Variants in WWP1 observed in about 807,000 individuals in gnomAD.
WWP1 encodes WW domain containing E3 ubiquitin protein ligase 1, also known as NEDD4-like E3 ubiquitin-protein ligase WWP1.
A neutral mutation model predicts 130.6 loss-of-function variants in WWP1; 49 were observed. The observed-to-expected ratio is 0.38, with a 90% CI of 0.30 to 0.48. The LOEUF (loss-of-function observed/expected upper bound fraction) is 0.48. Ranked by LOEUF, WWP1 falls within the 20% of genes least tolerant of loss-of-function variation. WWP1 has a pLI of 0.99. For missense variants in WWP1, 809 were observed against 1,100.6 expected (o/e 0.74, Z 3.75); for synonymous variants, 332 against 367.8 (o/e 0.90, Z 1.11).
Position 86,438,620 on chromosome 8 carries a change from C to T in WWP1, c.1785C>T (p.Arg595=). The change falls in exon 17 of 25, where the codon CGC becomes CGT. Residue 595 remains arginine, a synonymous_variant. Coordinates refer to ENST00000517970, the MANE Select transcript of WWP1 (RefSeq NM_007013.4). ...TAAAACCCTATGACTTGAGGAGGCG[C>T]TTATATGTAATATTTAGAGGAGAAG... The part of the protein sequence containing the change: ...MALKPYDLRR[R]LYVIFRGEEG... 1 of 1,607,680 alleles carries T rather than the reference C, an allele frequency of 6.2e-7. No homozygotes were observed. Among genetic ancestry groups the T allele is most frequent in the African/African-American group, 1.3e-5 (1 of 74,626 alleles).
At chr8:86,433,476 G>A (rs1320263195) in intron 14 of WWP1, among the ~76,000 whole-genome samples, 1 of 151,786 alleles carries the variant, frequency 6.6e-6, no homozygotes, top group Admixed American at 6.6e-5. Flanking sequence ...CACTCTGGGA[G>A]GTTGAGGCGG....
chr8:86,409,869 A>G (rs1011191955), intron 8 of WWP1, among the ~76,000 whole-genome samples: 11 of 152,036 alleles, frequency 7.2e-5, no homozygotes, highest in African/African-American at 2.7e-4. Flanking sequence ...CAAAAAAAAA[A>G]GTTCTTAAAA....
chr8:86,386,092 A>C (rs1825268062), intron 5 of WWP1, among the ~76,000 whole-genome samples: 1 of 152,104 alleles, frequency 6.6e-6, no homozygotes, highest in South Asian at 2.1e-4. Flanking sequence ...TTACATCTTC[A>C]TACCCTGACT....
chr8:86,408,258 T>C (rs1025800349), intron 8 of WWP1, among the ~76,000 whole-genome samples: 2 of 152,212 alleles, frequency 1.3e-5, no homozygotes, highest in African/African-American at 2.4e-5. Context: ...TACTCACTTA[T>C]TATAAAGGCT....
At chr8:86,442,446 CTTAAATGGAGAGCCAGATCATAGAAG>C in intron 17 of WWP1, 147 bp from the exon 18 acceptor site, 1 of 498,628 alleles carries the variant, frequency 2.0e-6, no homozygotes. Flanking sequence ...TAGCAGGTAA[CTTAAATGGAGAGCCAGATCATAGAAG>C]AACTTGGATA....
chr8:86,462,108 G>GT (rs921033666), intron 24 of WWP1, among the ~76,000 whole-genome samples: 3 of 152,104 alleles, frequency 2.0e-5, no homozygotes, highest in African/African-American at 7.2e-5. Flanking sequence ...AGTATTCCCT[G>GT]TTTTTTATGA....
chr8:86,425,324 A>AT lies in WWP1; in HGVS notation c.1157+7dup. On this transcript the variant is annotated splice_region_variant and intron_variant, in intron 10 of 24. Coordinates refer to ENST00000517970, the MANE Select transcript of WWP1 (RefSeq NM_007013.4). ...CCACAACCTTTACCTCCAGGGTAAT[A>AT]TAGCACTCTTTATGCATTTGTAATT... is the stretch of plus-strand genomic sequence containing the variant. 1.3e-6 allele frequency: 2 copies of AT among 1,598,720 alleles called. No homozygotes were observed. Among genetic ancestry groups the AT allele is most frequent in the Non-Finnish European group, 8.5e-7 (1 of 1,171,318 alleles).
At chr8:86,407,263 G>A (rs1469579549) in intron 8 of WWP1, among the ~76,000 whole-genome samples, 4 of 151,706 alleles carry the variant, frequency 2.6e-5, no homozygotes, top group South Asian at 2.1e-4. Context: ...TTCTTTTTTC[G>A]GTTTTATCTG....
intron 3 of WWP1, among the ~76,000 whole-genome samples, chr8:86,375,872 T>A (rs1027976863): frequency 6.6e-6 from 1 of 152,170 alleles, no homozygotes; most frequent in African/African-American, 2.4e-5. Flanking sequence ...CACCATTTTG[T>A]GTCTACACCA....
rs1467907293 is a variant in WWP1 at position 86,417,769 on chromosome 8, A to G, written c.1061+5895A>G. Among the ~76,000 whole-genome samples the G allele has an allele frequency of 2.0e-5, 3 of 152,338 alleles. No homozygotes were observed. The East Asian group carries it at 5.8e-4, about 29-fold the overall frequency. On this transcript the variant is annotated intron_variant, in intron 9 of 24. Transcript: ENST00000517970. ...ACCAAATACAATATTTAAGTCATAT[A>G]GAAATATTAATAGTTCTTAAGCTCA...
chr8:86,370,628 A>G (rs1421701320), intron 2 of WWP1, among the ~76,000 whole-genome samples: 1 of 152,148 alleles, frequency 6.6e-6, no homozygotes, highest in Non-Finnish European at 1.5e-5. Context: ...TTCAAAGGAA[A>G]TGAATAACAA....
At chr8:86,373,132 G>A (rs979924253) in intron 2 of WWP1, among the ~76,000 whole-genome samples, 5 of 148,122 alleles carry the variant, frequency 3.4e-5, no homozygotes, top group African/African-American at 1.2e-4. Flanking sequence ...ATTTAGAAGT[G>A]TTTTTAAATT....
chr8:86,398,250 T>C (rs1478691839), intron 5 of WWP1, 92 bp from the exon 6 acceptor site: 29 of 1,369,292 alleles, frequency 2.1e-5, no homozygotes, highest in Non-Finnish European at 2.9e-5. Flanking sequence ...TGTCAAGTAC[T>C]GAATTAGAGT....
intron 20 of WWP1, among the ~76,000 whole-genome samples, chr8:86,452,030 C>A (rs1049908308): frequency 6.6e-6 from 1 of 152,102 alleles, no homozygotes; most frequent in African/African-American, 2.4e-5. Flanking sequence ...CCTCTCAGAC[C>A]ATAAACCTAC....
intron 17 of WWP1, chr8:86,440,552 C>T (rs1461541146): frequency 1.1e-5 from 4 of 354,242 alleles, no homozygotes; most frequent in Admixed American, 3.7e-5. Flanking sequence ...CTTATTTTTC[C>T]TCTGGGTGCC....
In WWP1 at chr8:86,381,585, C is replaced by A; in HGVS notation, c.290C>A (p.Ala97Glu). 6.2e-7 allele frequency: 1 copy of A among 1,609,746 alleles called. No individual in the cohort carries two copies. Among genetic ancestry groups the A allele is most frequent in the Non-Finnish European group, 8.5e-7 (1 of 1,178,998 alleles). The stretch of plus-strand genomic sequence containing the variant: ...AAAGCAGATGCTTTATTAGGAAAAG[C>A]AACGATAGATTTGAAACAAGCTCTG... ...TLKADALLGK[A>E]TIDLKQALLI... is the part of the protein sequence containing the mutation. Residue 97 changes from alanine to glutamate, a missense_variant, in exon 5 of 25, where the codon GCA (alanine) becomes GAA (glutamate). Ala to Glu is a moderately radical substitution (Grantham distance 107). Around this residue, in one of 3 missense-constraint regions of WWP1, gnomAD observed 262 missense variants for 346.0 expected, o/e 0.76. Coordinates refer to ENST00000517970, the MANE Select transcript of WWP1 (RefSeq NM_007013.4).
chr8:86,424,211 G>A (rs1387112841), intron 9 of WWP1, among the ~76,000 whole-genome samples: 6 of 151,318 alleles, frequency 4.0e-5, no homozygotes, highest in East Asian at 2.0e-4. Flanking sequence ...CAGACGGGGC[G>A]GCGGGGCAGA....
intron 5 of WWP1, among the ~76,000 whole-genome samples, chr8:86,396,615 A>T: frequency 6.9e-6 from 1 of 144,676 alleles, no homozygotes; most frequent in Admixed American, 7.0e-5. Context: ...CTTTTTTCAG[A>T]CAGGGTCTCG....
intron 4 of WWP1, 98 bp downstream of exon 4, chr8:86,380,962 A>AT (rs1330750788): frequency 1.1e-4 from 151 of 1,342,270 alleles, no homozygotes; most frequent in Non-Finnish European, 1.3e-4. Flanking sequence ...GTAATGAGTG[A>AT]TTTTTTTAAA....
Sources: allele counts gnomAD v4.1 joint callset (sites outside exome capture counted in the v4.1 genomes callset), GRCh38; gene constraint gnomAD v4.1.1; regional missense constraint gnomAD v4.1.1; transcripts MANE v1.5; gene names NCBI Gene and HGNC (gene_info 2026-07-23, HGNC 2026-07-21).